Variants in ANKRD18B observed in about 807,000 individuals in gnomAD.
The protein encoded by ANKRD18B is ankyrin repeat domain 18B, also known as ankyrin repeat domain-containing protein 18B.
Under a neutral mutation model 111.8 loss-of-function variants are expected in ANKRD18B, and 75 were observed. That is an observed-to-expected ratio of 0.67 (90% confidence interval 0.56 to 0.81). The LOEUF is 0.81. Ranked by LOEUF, ANKRD18B falls within the 40% of genes least tolerant of loss-of-function variation. ANKRD18B has a pLI of 0.00. For missense variants in ANKRD18B, 1,038 were observed against 1,225.5 expected (o/e 0.85, Z 2.28); for synonymous variants, 356 against 417.3 (o/e 0.85, Z 1.79).
At position 33,524,446 on chromosome 9, in the gene ANKRD18B, C is replaced by G; in HGVS notation, c.-44C>G. ...GGGGTGGAAAGGCCACGAGGAGCCG[C>G]GGCGTCTCAGGAGCGGGTGGTGGGC... On this transcript the variant is annotated 5_prime_UTR_variant, in exon 1 of 19. Coordinates refer to ENST00000684830, the MANE Select transcript of ANKRD18B (RefSeq NM_001393611.1). 1 of 1,501,610 alleles carries G rather than the reference C, an allele frequency of 6.7e-7. No individual in the cohort carries two copies. The highest frequency in any genetic ancestry group is 8.9e-7 in the Non-Finnish European group (1 of 1,123,356). 93.0% of individuals were successfully genotyped at this position (1,501,610 alleles called of 1,614,324 possible).
intron 1 of ANKRD18B, among the ~76,000 whole-genome samples, chr9:33,526,164 T>C (rs1828022224): frequency 6.6e-6 from 1 of 152,214 alleles, no homozygotes; most frequent in Admixed American, 6.5e-5. Flanking sequence ...TGATGACTTT[T>C]CAAGTGGATA....
intron 10 of ANKRD18B, among the ~76,000 whole-genome samples, chr9:33,545,986 C>T (rs1278183032): frequency 1.3e-5 from 2 of 152,136 alleles, no homozygotes; most frequent in African/African-American, 2.4e-5. Context: ...CAACCTAAGT[C>T]TCACTGTGAG....
In ANKRD18B at chr9:33,524,469, G is replaced by T; in HGVS notation, c.-21G>T. 1.3e-6 allele frequency: 2 copies of T among 1,532,058 alleles called. No homozygotes were observed. The highest frequency in any genetic ancestry group is 1.8e-6 in the Non-Finnish European group (2 of 1,137,536). 94.9% of individuals were successfully genotyped at this position (1,532,058 alleles called of 1,614,324 possible). On this transcript the variant is annotated 5_prime_UTR_variant, in exon 1 of 19. Transcript: ENST00000684830. ...CGCGGCGTCTCAGGAGCGGGTGGTG[G>T]GCATCTGAGAAGTCGCCACCATGAG...
chr9:33,536,693 T>C (rs1344110518), intron 5 of ANKRD18B, among the ~76,000 whole-genome samples, 185 bp from the exon 6 acceptor site: 1 of 152,224 alleles, frequency 6.6e-6, no homozygotes, highest in Admixed American at 6.5e-5. Context: ...GAGTACTTCC[T>C]GTTTTTCTTG....
At chr9:33,525,322 T>C (rs931919020) in intron 1 of ANKRD18B, among the ~76,000 whole-genome samples, 6 of 152,202 alleles carry the variant, frequency 3.9e-5, no homozygotes, top group Non-Finnish European at 7.3e-5. Context: ...CAATTAATTA[T>C]TTACTAACAG....
intron 14 of ANKRD18B, among the ~76,000 whole-genome samples, chr9:33,565,724 C>A (rs1828674595): frequency 6.6e-6 from 1 of 152,130 alleles, no homozygotes; most frequent in African/African-American, 2.4e-5. Context: ...CTTTCTGCCA[C>A]AGCCTCCTAA....
rs201095071 is a variant in ANKRD18B at position 33,572,712 on chromosome 9, A to G, written c.*278A>G. ...CATCATTGATACTGTAGTAAAGGTCATCTTTGCATTTTACACTTTTTATTA... is the reference window on the plus strand; with the variant it reads ...CATCATTGATACTGTAGTAAAGGTCGTCTTTGCATTTTACACTTTTTATTA... On this transcript the variant is annotated 3_prime_UTR_variant, in exon 19 of 19. Coordinates refer to ENST00000684830, the MANE Select transcript of ANKRD18B (RefSeq NM_001393611.1). The G allele has an allele frequency of 9.6e-7, 1 of 1,042,624 alleles. No individual in the cohort carries two copies. The allele number at this position is 1,042,624 out of a possible 1,614,324, so 64.6% of individuals were successfully genotyped here. A position where few individuals can be genotyped will look rare whatever the true frequency, so the allele number is the denominator to read the frequency against.
rs958494894 is a variant in ANKRD18B at position 33,568,748 on chromosome 9, T to C, written c.3032T>C (p.Leu1011Pro). ...CGGATGGAATATTTTCTCAGCACTC[T>C]TCCTATGAGGCCAGACCCAGAGTTA... ...KERMEYFLST[L>P]PMRPDPELPC... Residue 1011 changes from leucine (L) to proline (P), a missense_variant, in exon 17 of 19, where the codon CTT becomes CCT. Leu to Pro is a moderately conservative substitution (Grantham distance 98). Around this residue, in one of 4 missense-constraint regions of ANKRD18B, gnomAD observed 524 missense variants for 677.9 expected, o/e 0.77. Transcript: ENST00000684830. 2 of 1,551,356 alleles carry C rather than the reference T, an allele frequency of 1.3e-6. No homozygotes were observed. Among genetic ancestry groups the C allele is most frequent in the East Asian group, 2.4e-5 (1 of 40,906 alleles).
intron 3 of ANKRD18B, among the ~76,000 whole-genome samples, chr9:33,530,626 A>G (rs1269478226): frequency 4.6e-5 from 7 of 152,114 alleles, no homozygotes; most frequent in African/African-American, 1.7e-4. Flanking sequence ...TATCTCAAAG[A>G]CATAAGAAAT....
intron 13 of ANKRD18B, among the ~76,000 whole-genome samples, chr9:33,557,311 T>G (rs772044877): frequency 8.5e-5 from 13 of 152,222 alleles, no homozygotes; most frequent in Non-Finnish European, 1.5e-4. Flanking sequence ...GGGTGTACTT[T>G]TTTTTCTTCT....
In ANKRD18B at chr9:33,548,459, A is replaced by T; in HGVS notation, c.1671A>T (p.Leu557Phe). The T allele has an allele frequency of 6.4e-7, 1 of 1,551,334 alleles. No individual in the cohort carries two copies. The highest frequency in any genetic ancestry group is 8.7e-7 in the Non-Finnish European group (1 of 1,146,676). The change falls in exon 11 of 19, where the codon TTA becomes TTT. Residue 557 changes from leucine (L) to phenylalanine (F), a missense_variant. Physicochemically the swap from Leu to Phe is conservative, Grantham distance 22. Coordinates refer to ENST00000684830, the MANE Select transcript of ANKRD18B (RefSeq NM_001393611.1). ...VHKARVKFNTLKGKLRETRDA... is the reference protein window; with the variant it reads ...VHKARVKFNTFKGKLRETRDA... ...AAGCTCGGGTGAAGTTCAATACCTT[A>T]AAAGGTAAGCTCCGTGAGACAAGAG...
chr9:33,553,708 T>C (rs1182637076), intron 12 of ANKRD18B, among the ~76,000 whole-genome samples: 1 of 152,160 alleles, frequency 6.6e-6, no homozygotes, highest in African/African-American at 2.4e-5. Flanking sequence ...CATATCTCTA[T>C]GGAAAAGGAA....
At chr9:33,574,900 G>A (rs763441703), downstream of ANKRD18B, among the ~76,000 whole-genome samples, 6 of 152,086 alleles carry the variant, frequency 3.9e-5, no homozygotes, top group South Asian at 2.1e-4. Context: ...AGTCCCCATC[G>A]CCTCTGTGTT....
rs1828306635 is a variant in ANKRD18B at position 33,543,247 on chromosome 9, C to T, written c.1141C>T (p.Gln381Ter). Residue 381 changes from glutamine to a stop codon, truncating the protein, a stop_gained, in exon 10 of 19, where the codon CAG (glutamine) becomes TAG (stop). Coordinates refer to ENST00000684830, the MANE Select transcript of ANKRD18B (RefSeq NM_001393611.1). LOFTEE classifies it high-confidence loss of function. ...QERLERSENKQPQDSQSYGKK... is the reference protein window; with the variant it reads ...QERLERSENK ...AAGGCTTGAAAGAAGTGAAAATAAACAGCCGCAGGTATATAACAATTTAAA... is the reference window on the plus strand; with the variant it reads ...AAGGCTTGAAAGAAGTGAAAATAAATAGCCGCAGGTATATAACAATTTAAA... 6.4e-7 allele frequency: 1 copy of T among 1,550,576 alleles called. No homozygotes were observed. Among genetic ancestry groups the T allele is most frequent in the African/African-American group, 1.4e-5 (1 of 73,056 alleles).
rs551771056 is a variant in ANKRD18B, at chr9:33,531,775, T to G, written c.496-1664T>G. ...TAAATCCCTCAATTATAGAGTTGAA[T>G]TTTAGAATTCAGAAGTTTTTTTAAC... is the stretch of plus-strand genomic sequence containing the variant. On this transcript the variant is annotated intron_variant, in intron 3 of 18. Transcript: ENST00000684830. 1.0e-3 allele frequency among the ~76,000 whole-genome samples: 158 copies of G among 151,602 alleles called. 4 individuals are homozygous for G. Among genetic ancestry groups the G allele is most frequent in the African/African-American group, 3.7e-3 (153 of 41,106 alleles).
chr9:33,552,341 T>C (rs1828458745), intron 12 of ANKRD18B, among the ~76,000 whole-genome samples: 1 of 152,232 alleles, frequency 6.6e-6, no homozygotes, highest in South Asian at 2.1e-4. Context: ...GTTTGTCAGC[T>C]GAATAGTTCT....
intron 5 of ANKRD18B, among the ~76,000 whole-genome samples, chr9:33,535,514 C>G (rs2118003980): frequency 6.6e-6 from 1 of 151,808 alleles, no homozygotes; most frequent in African/African-American, 2.4e-5. Flanking sequence ...GTCTCGATCT[C>G]CTGACCTTGT....
At chr9:33,532,343 T>C (rs1828130090) in intron 3 of ANKRD18B, among the ~76,000 whole-genome samples, 2 of 152,216 alleles carry the variant, frequency 1.3e-5, no homozygotes, top group Non-Finnish European at 2.9e-5. Context: ...TATTTTTATT[T>C]CTGATTTATA....
chr9:33,567,971 C>T (rs953244095), intron 16 of ANKRD18B, among the ~76,000 whole-genome samples: 1 of 152,216 alleles, frequency 6.6e-6, no homozygotes, highest in African/African-American at 2.4e-5. Context: ...GAACAAGCCC[C>T]ACCTCCAGTG....
Sources: allele counts gnomAD v4.1 joint callset (sites outside exome capture counted in the v4.1 genomes callset), GRCh38; gene constraint gnomAD v4.1.1; regional missense constraint gnomAD v4.1.1; transcripts MANE v1.5; gene names NCBI Gene and HGNC (gene_info 2026-07-23, HGNC 2026-07-21).